Variants in CMIP observed in about 807,000 individuals in gnomAD.
CMIP encodes c-Maf inducing protein, also known as C-Maf-inducing protein.
A neutral mutation model predicts 97.3 loss-of-function variants in CMIP; 13 were observed. That is an observed-to-expected ratio of 0.13 (90% CI 0.09 to 0.21). CMIP has a LOEUF of 0.21. Among genes scored for constraint, CMIP ranks in the 10% least tolerant of loss-of-function variants. The pLI is 1.00. For synonymous variants in CMIP, 538 were observed against 436.3 expected, an observed-to-expected ratio of 1.23 and a Z score of -2.91; for missense variants, 847 against 1,024.9, an observed-to-expected ratio of 0.83 and a Z score of 2.37.
chr16:81,567,716 T>C (rs1170825160), intron 1 of CMIP, among the ~76,000 whole-genome samples: 1 of 152,230 alleles, frequency 6.6e-6, no homozygotes, highest in African/African-American at 2.4e-5. Flanking sequence ...GCTGCTCCTC[T>C]GCTGTGTCGT....
At chr16:81,457,686 C>G (rs1906640037) in intron 1 of CMIP, among the ~76,000 whole-genome samples, 1 of 152,260 alleles carries the variant, frequency 6.6e-6, no homozygotes, top group South Asian at 2.1e-4. Flanking sequence ...GTCCCATTTT[C>G]TGGAGCAGGC....
At chr16:81,707,841 A>G (rs1908318388) in intron 20 of CMIP, among the ~76,000 whole-genome samples, 1 of 152,096 alleles carries the variant, frequency 6.6e-6, no homozygotes, top group Admixed American at 6.5e-5. Flanking sequence ...CTGGGAGAGA[A>G]GGGCTGGGCT....
At chr16:81,505,775 G>A (rs571383902) in intron 1 of CMIP, among the ~76,000 whole-genome samples, 1 of 152,208 alleles carries the variant, frequency 6.6e-6, no homozygotes, top group South Asian at 2.1e-4. Flanking sequence ...TGGATCACCT[G>A]AGGTCAGGAG....
At chr16:81,514,389 G>A (rs112733955) in intron 1 of CMIP, among the ~76,000 whole-genome samples, 7 of 152,200 alleles carry the variant, frequency 4.6e-5, no homozygotes, top group Non-Finnish European at 8.8e-5. Flanking sequence ...TTTGACCTTA[G>A]GAACGAGGCT....
Position 81,614,431 on chromosome 16 carries a change from G to A in CMIP, c.427-6445G>A, listed in dbSNP as rs578046622. On this transcript the variant is annotated intron_variant, in intron 2 of 20. Coordinates refer to ENST00000537098, the MANE Select transcript of CMIP (RefSeq NM_198390.3). This position sits in a 1 kb window ranked among gnomAD's most constrained non-coding sequence, Gnocchi z 5.3. The stretch of plus-strand genomic sequence containing the variant: ...GGTCACTTCAGCATGACATCAGCTC[G>A]TTGCATTGGCCTGTGTGCTTGCCAG... Among the ~76,000 whole-genome samples, 45 of 152,332 alleles carry A rather than the reference G, an allele frequency of 3.0e-4. No individual in the cohort carries two copies. Among genetic ancestry groups the A allele is most frequent in the Non-Finnish European group, 5.3e-4 (36 of 68,024 alleles).
At chr16:81,566,159 G>C (rs1004118915) in intron 1 of CMIP, among the ~76,000 whole-genome samples, 1 of 152,218 alleles carries the variant, frequency 6.6e-6, no homozygotes, top group Non-Finnish European at 1.5e-5. Context: ...CAGATTGGAG[G>C]CTGCCCTCTC....
intron 1 of CMIP, among the ~76,000 whole-genome samples, chr16:81,538,357 G>C (rs1597525851): frequency 1.3e-5 from 2 of 152,206 alleles, no homozygotes; most frequent in South Asian, 2.1e-4. Flanking sequence ...CTGAGAGAAG[G>C]CTGCCGAATT....
rs1449946275 is a variant in CMIP at position 81,699,753 on chromosome 16, G to A, written c.1707G>A (p.Leu569=). 8 of 1,613,558 alleles carry A rather than the reference G, an allele frequency of 5.0e-6. No homozygotes were observed. Among genetic ancestry groups the A allele is most frequent in the Non-Finnish European group, 6.8e-6 (8 of 1,179,752 alleles). The change falls in exon 15 of 21, where the codon CTG becomes CTA. Residue 569 remains leucine (L), a synonymous_variant. Coordinates refer to ENST00000537098, the MANE Select transcript of CMIP (RefSeq NM_198390.3). ...TGCTCTCCCTGGCAGAAAACAAGCTGGGTCCCTGCATGCTCCTGGCACTGA... is the reference window on the plus strand; with the variant it reads ...TGCTCTCCCTGGCAGAAAACAAGCTAGGTCCCTGCATGCTCCTGGCACTGA... ...KFLLSLAENK[L]GPCMLLALRG...
intron 4 of CMIP, among the ~76,000 whole-genome samples, chr16:81,657,316 A>G (rs1263332585): frequency 1.3e-5 from 2 of 152,232 alleles, no homozygotes; most frequent in African/African-American, 4.8e-5. Context: ...CTGAAATCAT[A>G]TACGTGTTAC....
At chr16:81,605,709 G>A (rs192266681) in intron 1 of CMIP, among the ~76,000 whole-genome samples, 16 of 152,266 alleles carry the variant, frequency 1.1e-4, no homozygotes, top group South Asian at 4.1e-4. Flanking sequence ...TCCTGCTCTC[G>A]GCCACCTGTC....
At chr16:81,571,362 AG>A (rs2091084532) in intron 1 of CMIP, among the ~76,000 whole-genome samples, 1 of 151,958 alleles carries the variant, frequency 6.6e-6, no homozygotes, top group African/African-American at 2.4e-5. Context: ...CCAGTTACTC[AG>A]GAGGCTGAGG....
intron 1 of CMIP, among the ~76,000 whole-genome samples, chr16:81,468,274 T>A (rs192507654): frequency 2.0e-4 from 30 of 152,320 alleles, no homozygotes; most frequent in African/African-American, 6.5e-4. Flanking sequence ...AACTGTAAAG[T>A]GTGCTCACTC....
chr16:81,691,620 T>C lies in CMIP; in HGVS notation c.1389-155T>C, dbSNP rs144290277. The C allele has an allele frequency of 8.7e-4, 582 of 667,494 alleles. 1 individual carries two copies. Among genetic ancestry groups the C allele is most frequent in the Non-Finnish European group, 1.3e-3 (468 of 365,016 alleles). The allele number at this position is 667,494 out of a possible 1,614,324, so 41.3% of individuals were successfully genotyped here. ...TTGAGGCCACGCTGAGAACATTGAC[T>C]TGCTCATCCTGGAGGTGGAAGTGGG... On this transcript the variant is annotated intron_variant, in intron 10 of 20. Coordinates refer to ENST00000537098, the MANE Select transcript of CMIP (RefSeq NM_198390.3).
chr16:81,541,034 G>A (rs1273741950), intron 1 of CMIP, among the ~76,000 whole-genome samples: 1 of 150,764 alleles, frequency 6.6e-6, no homozygotes, highest in Non-Finnish European at 1.5e-5. Context: ...TTTGTTTTGG[G>A]TGCTGAACCC....
intron 2 of CMIP, among the ~76,000 whole-genome samples, chr16:81,615,590 GTGTGTGTGGTGTATGTGTCTT>G: frequency 7.1e-6 from 1 of 141,634 alleles, no homozygotes; most frequent in Non-Finnish European, 1.5e-5. Context: ...GTGTGTGTCT[GTGTGTGTGGTGTATGTGTCTT>G]TGTGTGGTGT....
At chr16:81,703,198 C>T (rs145082595) in intron 17 of CMIP, among the ~76,000 whole-genome samples, 1 of 152,220 alleles carries the variant, frequency 6.6e-6, no homozygotes, top group East Asian at 1.9e-4. Context: ...TCTTAAGAAA[C>T]TTCCTGGAAG....
At chr16:81,601,614 G>A (rs886761658) in intron 1 of CMIP, among the ~76,000 whole-genome samples, 2 of 152,162 alleles carry the variant, frequency 1.3e-5, no homozygotes, top group Non-Finnish European at 2.9e-5. Context: ...ACAGGCAGAG[G>A]TGAAGTATCT....
chr16:81,654,566 T>G (rs1857948574), intron 4 of CMIP, among the ~76,000 whole-genome samples: 2 of 152,178 alleles, frequency 1.3e-5, no homozygotes, highest in Admixed American at 6.5e-5. Context: ...GAGCTGACAT[T>G]TAGGGACAGA....
chr16:81,659,860 C>A (rs1287066779), intron 5 of CMIP, among the ~76,000 whole-genome samples: 1 of 152,230 alleles, frequency 6.6e-6, no homozygotes, highest in African/African-American at 2.4e-5. Context: ...CTGCATTTTA[C>A]AGCCTCCCCT....
Sources: allele counts gnomAD v4.1 joint callset (sites outside exome capture counted in the v4.1 genomes callset), GRCh38; gene constraint gnomAD v4.1.1; non-coding constraint Gnocchi (gnomAD v3.1); transcripts MANE v1.5; gene names NCBI Gene and HGNC (gene_info 2026-07-23, HGNC 2026-07-21).